Variants in CTNND2 observed in about 807,000 individuals in gnomAD.
CTNND2 encodes the protein catenin delta 2, also known as catenin delta-2.
In CTNND2, 22 loss-of-function variants were observed where a neutral mutation model predicts 144.4. The observed-to-expected ratio is 0.15, with a 90% confidence interval of 0.11 to 0.22. CTNND2 has a LOEUF of 0.22. Ranked by LOEUF, CTNND2 falls within the 10% of genes least tolerant of loss-of-function variation. The pLI, the probability that CTNND2 is intolerant of heterozygous loss-of-function variation, is 1.00. For missense variants in CTNND2, 1,353 were observed against 1,618.8 expected, an observed-to-expected ratio of 0.84 and a Z score of 2.82; for synonymous variants, 751 against 695.6, an observed-to-expected ratio of 1.08 and a Z score of -1.25.
intron 12 of CTNND2, among the ~76,000 whole-genome samples, chr5:11,147,798 C>T (rs370636256): frequency 1.3e-5 from 2 of 152,204 alleles, no homozygotes; most frequent in African/African-American, 2.4e-5. Flanking sequence ...AAGCAGTTGG[C>T]GGTTTTCAAA....
At chr5:11,767,082 T>C (rs192114005) in intron 1 of CTNND2, among the ~76,000 whole-genome samples, 5 of 152,254 alleles carry the variant, frequency 3.3e-5, no homozygotes, top group Admixed American at 3.3e-4. Context: ...CCAGCAGCAT[T>C]AGCTATCATC....
chr5:11,313,412 A>G (rs1751190234), intron 9 of CTNND2, among the ~76,000 whole-genome samples: 1 of 152,104 alleles, frequency 6.6e-6, no homozygotes, highest in African/African-American at 2.4e-5. Flanking sequence ...TCCTCTTCCA[A>G]GTCCCCGACA....
intron 2 of CTNND2, among the ~76,000 whole-genome samples, chr5:11,719,246 G>A (rs554251428): frequency 6.6e-6 from 1 of 152,282 alleles, no homozygotes; most frequent in South Asian, 2.1e-4. Flanking sequence ...GGCCACTTAT[G>A]AATCAGTCCT....
intron 3 of CTNND2, among the ~76,000 whole-genome samples, chr5:11,549,332 G>T (rs1339965713): frequency 6.6e-6 from 1 of 152,094 alleles, no homozygotes; most frequent in Admixed American, 6.6e-5. Flanking sequence ...CACAATTCAT[G>T]TGTTGAATGA....
At chr5:11,769,689 C>T (rs988978919) in intron 1 of CTNND2, among the ~76,000 whole-genome samples, 7 of 152,082 alleles carry the variant, frequency 4.6e-5, no homozygotes, top group African/African-American at 1.4e-4. Context: ...GTGGACAGTA[C>T]ATATATGCAA....
chr5:11,691,592 A>G (rs1299224461), intron 2 of CTNND2, among the ~76,000 whole-genome samples: 1 of 151,864 alleles, frequency 6.6e-6, no homozygotes, highest in Non-Finnish European at 1.5e-5. Flanking sequence ...TTTAAAAGAA[A>G]CTTTAAATAT....
intron 18 of CTNND2, among the ~76,000 whole-genome samples, chr5:11,009,200 G>A (rs1357797218): frequency 1.3e-5 from 2 of 152,172 alleles, no homozygotes; most frequent in East Asian, 3.9e-4. Context: ...TTGCAGGGTG[G>A]TACTTCTGAG....
At chr5:11,854,727 G>A (rs889472724) in intron 1 of CTNND2, among the ~76,000 whole-genome samples, 1 of 152,132 alleles carries the variant, frequency 6.6e-6, no homozygotes, top group African/African-American at 2.4e-5. Context: ...CACTGAACTA[G>A]GAATTCAAAC....
At chr5:11,117,843 G>T (rs1456752800) in intron 12 of CTNND2, among the ~76,000 whole-genome samples, 1 of 152,184 alleles carries the variant, frequency 6.6e-6, no homozygotes, top group African/African-American at 2.4e-5. Flanking sequence ...GAGGGTGGGG[G>T]ACCTTCAGAA....
At chr5:11,382,541 T>C (rs1758596634) in intron 7 of CTNND2, among the ~76,000 whole-genome samples, 2 of 151,228 alleles carry the variant, frequency 1.3e-5, no homozygotes. Context: ...GATGTTGCAG[T>C]GAGCCGAGAT....
At chr5:11,559,937 C>A (rs1249545689) in intron 3 of CTNND2, among the ~76,000 whole-genome samples, 1 of 152,196 alleles carries the variant, frequency 6.6e-6, no homozygotes, top group African/African-American at 2.4e-5. Flanking sequence ...GGGATGGTCA[C>A]CCTCACGCTG....
intron 10 of CTNND2, among the ~76,000 whole-genome samples, chr5:11,217,903 C>A (rs956415414): frequency 1.3e-5 from 2 of 152,144 alleles, no homozygotes; most frequent in East Asian, 1.9e-4. Flanking sequence ...GGATCTTAGG[C>A]ATCCAAGGTT....
At chr5:11,769,588 A>G (rs1789801632) in intron 1 of CTNND2, among the ~76,000 whole-genome samples, 1 of 152,226 alleles carries the variant, frequency 6.6e-6, no homozygotes, top group African/African-American at 2.4e-5. Context: ...CCATTTGCCT[A>G]TATCACTGAA....
intron 2 of CTNND2, among the ~76,000 whole-genome samples, chr5:11,727,063 C>A (rs916582732): frequency 6.6e-6 from 1 of 152,188 alleles, no homozygotes; most frequent in Non-Finnish European, 1.5e-5. Context: ...GAACTCCCAG[C>A]ACACATTCCC....
chr5:11,668,859 G>A (rs910562985), intron 2 of CTNND2, among the ~76,000 whole-genome samples: 2 of 152,130 alleles, frequency 1.3e-5, no homozygotes, highest in African/African-American at 4.8e-5. Flanking sequence ...CTAAGGGAAT[G>A]CTTCCAGTTT....
intron 3 of CTNND2, among the ~76,000 whole-genome samples, chr5:11,487,636 A>C (rs1477811924): frequency 2.0e-5 from 3 of 152,208 alleles, no homozygotes; most frequent in Non-Finnish European, 2.9e-5. Context: ...ACACCATTAA[A>C]AATTAAATTA....
Position 11,397,167 on chromosome 5 carries a change from T to G in CTNND2, c.476A>C (p.Asn159Thr). The change falls in exon 6 of 22, where the codon AAT becomes ACT. Residue 159 changes from asparagine to threonine, a missense_variant. Physicochemically the swap from Asn to Thr is moderately conservative, Grantham distance 65. Coordinates refer to ENST00000304623, the MANE Select transcript of CTNND2 (RefSeq NM_001332.4). ...CTGGAAAGACCCTTCAGGTTTGGAA[T>G]TGAGCTGAAGTGCACTCTGGGAGAG... is the stretch of plus-strand genomic sequence containing the variant. ...SLLSQSALQL[N>T]SKPEGSFQYP... 6.2e-7 allele frequency: 1 copy of G among 1,614,232 alleles called. No homozygotes were observed. Among genetic ancestry groups the G allele is most frequent in the East Asian group, 2.2e-5 (1 of 44,884 alleles).
chr5:11,452,968 C>T (rs1001796564), intron 3 of CTNND2, among the ~76,000 whole-genome samples: 3 of 152,196 alleles, frequency 2.0e-5, no homozygotes, highest in African/African-American at 7.2e-5. Context: ...TTGATGGCTA[C>T]AGCGATGAGT....
At chr5:11,137,580 C>T (rs1455362625) in intron 12 of CTNND2, among the ~76,000 whole-genome samples, 1 of 152,128 alleles carries the variant, frequency 6.6e-6, no homozygotes, top group African/African-American at 2.4e-5. Flanking sequence ...GGGAAGAAGA[C>T]AACTAGCAGC....
Sources: gnomAD v4.1 joint callset for allele counts (sites outside exome capture counted in the v4.1 genomes callset) on GRCh38, gnomAD v4.1.1 for gene constraint, MANE v1.5 for transcripts, NCBI Gene and HGNC (gene_info 2026-07-23, HGNC 2026-07-21) for gene names.